The following STARD13 variants were observed in gnomAD, a reference collection of about 807,000 sequenced individuals.
The protein encoded by STARD13 is stAR-related lipid transfer protein 13.
In STARD13, 62 loss-of-function variants were observed where a neutral mutation model predicts 106.4. That is an observed-to-expected ratio of 0.58 (90% CI 0.48 to 0.72). STARD13 has a LOEUF of 0.72. STARD13 is among the 30% of genes least tolerant of loss of function. The pLI is 0.00. For missense variants in STARD13, 1,387 were observed against 1,424.0 expected, an observed-to-expected ratio of 0.97 and a Z score of 0.42; for synonymous variants, 565 against 553.0, an observed-to-expected ratio of 1.02 and a Z score of -0.31.
chr13:33,179,661 G>T (rs1458711984), intron 1 of STARD13, among the ~76,000 whole-genome samples: 1 of 152,144 alleles, frequency 6.6e-6, no homozygotes, highest in Non-Finnish European at 1.5e-5. Flanking sequence ...TGGGCAGTGG[G>T]TCCTACCCTG....
At chr13:33,368,874 C>T in the STARD13 span, among the ~76,000 whole-genome samples, 2 of 152,050 alleles carry the variant, frequency 1.3e-5, no homozygotes, top group Non-Finnish European at 1.5e-5. Context: ...TTCTGGAAGG[C>T]CCTTCCTATA....
At chr13:33,269,620 T>G (rs542266063) in intron 1 of STARD13, among the ~76,000 whole-genome samples, 5 of 152,210 alleles carry the variant, frequency 3.3e-5, no homozygotes, top group African/African-American at 9.6e-5. Context: ...AGCTATGACT[T>G]ATGACACTTG....
the STARD13 span, among the ~76,000 whole-genome samples, chr13:33,386,152 A>G: frequency 2.0e-5 from 3 of 152,310 alleles, no homozygotes; most frequent in Non-Finnish European, 4.4e-5. Flanking sequence ...TGAAAACCCA[A>G]GTGCCATGGT....
At chr13:33,244,532 C>A (rs1051583077) in intron 1 of STARD13, among the ~76,000 whole-genome samples, 3 of 152,008 alleles carry the variant, frequency 2.0e-5, no homozygotes, top group East Asian at 3.9e-4. Flanking sequence ...GCCCTCAAAT[C>A]TGGGTTTGGC....
intron 1 of STARD13, chr13:33,276,683 A>AGGGGAGAGTTGGAATGC (rs914942814): frequency 6.6e-6 from 1 of 152,180 alleles, no homozygotes; most frequent in Non-Finnish European, 1.5e-5. Flanking sequence ...GTAAGCAGGA[A>AGGGGAGAGTTGGAATGC]GGGGAGAGTT....
At position 33,127,454 on chromosome 13, in the gene STARD13, C is replaced by T. The variant is rs1180223242; in HGVS notation, c.1841G>A (p.Ser614Asn). ...HISSQTASQL[S>N]LLQRFSLLRL... is the part of the protein sequence containing the mutation. ...GAGCAGTGAGAAGCGCTGGAGCAGG[C>T]TCAGCTGGCTGGCCGTCTGGCTGCT... The change falls in exon 6 of 14, where the codon AGC becomes AAC. Residue 614 changes from serine to asparagine, a missense_variant. Physicochemically the swap from Ser to Asn is conservative, Grantham distance 46 (BLOSUM62 1). Coordinates refer to ENST00000336934, the MANE Select transcript of STARD13 (RefSeq NM_178006.4). 6.2e-7 allele frequency: 1 copy of T among 1,601,816 alleles called. No individual in the cohort carries two copies.
chr13:33,442,349 T>TTAATAA, the STARD13 span, among the ~76,000 whole-genome samples: 4 of 152,028 alleles, frequency 2.6e-5, no homozygotes, highest in Admixed American at 1.3e-4. Flanking sequence ...TACTCATACA[T>TTAATAA]TAATAATAAT....
intron 1 of STARD13, among the ~76,000 whole-genome samples, chr13:33,240,374 G>A (rs1283083153): frequency 6.6e-6 from 1 of 151,994 alleles, no homozygotes; most frequent in African/African-American, 2.4e-5. Context: ...AGGATCCTTT[G>A]AGATCCCACA....
chr13:33,310,569 G>A (rs1447992710), intron 1 of STARD13, among the ~76,000 whole-genome samples: 1 of 151,930 alleles, frequency 6.6e-6, no homozygotes, highest in African/African-American at 2.4e-5. Flanking sequence ...AAATGAATGT[G>A]GGCATTCATG....
At chr13:33,195,605 A>G (rs1016082567) in intron 1 of STARD13, among the ~76,000 whole-genome samples, 1 of 152,222 alleles carries the variant, frequency 6.6e-6, no homozygotes, top group African/African-American at 2.4e-5. Flanking sequence ...TTAGCCAGGA[A>G]GCCGACACGT....
At chr13:33,542,230 C>T in the STARD13 span, among the ~76,000 whole-genome samples, 1 of 152,134 alleles carries the variant, frequency 6.6e-6, no homozygotes, top group Non-Finnish European at 1.5e-5. Context: ...GATGAACAGA[C>T]CGGGGGATCA....
the STARD13 span, among the ~76,000 whole-genome samples, chr13:33,594,780 G>T: frequency 6.6e-6 from 1 of 152,172 alleles, no homozygotes; most frequent in Non-Finnish European, 1.5e-5. Context: ...CTTGTCCTTT[G>T]TGACTGGTTC....
At chr13:33,544,566 T>C in the STARD13 span, among the ~76,000 whole-genome samples, 1 of 152,158 alleles carries the variant, frequency 6.6e-6, no homozygotes. Context: ...AAATCACTGC[T>C]ATTTTGTTTA....
chr13:33,464,706 A>G, the STARD13 span, among the ~76,000 whole-genome samples: 53 of 152,220 alleles, frequency 3.5e-4, no homozygotes, highest in South Asian at 0.011. Context: ...AAAATTAGCT[A>G]GGTGTGGTGG....
At chr13:33,297,775 G>A (rs1892554540) in intron 1 of STARD13, among the ~76,000 whole-genome samples, 1 of 151,986 alleles carries the variant, frequency 6.6e-6, no homozygotes, top group Admixed American at 6.6e-5. Context: ...ATATGATACG[G>A]GTATGGAGAA....
At chr13:33,606,219 T>G in the STARD13 span, among the ~76,000 whole-genome samples, 1 of 152,138 alleles carries the variant, frequency 6.6e-6, no homozygotes, top group Non-Finnish European at 1.5e-5. Flanking sequence ...GAGAACTGCT[T>G]GGACTCCGGA....
the STARD13 span, among the ~76,000 whole-genome samples, chr13:33,447,716 C>G: frequency 6.6e-6 from 1 of 152,102 alleles, no homozygotes; most frequent in African/African-American, 2.4e-5. Flanking sequence ...CTCTAAGATG[C>G]TCAATAAGAC....
chr13:33,398,133 G>A, the STARD13 span, among the ~76,000 whole-genome samples: 2 of 152,172 alleles, frequency 1.3e-5, no homozygotes, highest in Non-Finnish European at 2.9e-5. Context: ...TGGGGAGGTG[G>A]TTACAGGCTC....
chr13:33,560,480 T>C, the STARD13 span, among the ~76,000 whole-genome samples: 1 of 151,158 alleles, frequency 6.6e-6, no homozygotes, highest in Non-Finnish European at 1.5e-5. Context: ...GATGGCAAAA[T>C]GACATAGGAA....
Sources: allele counts gnomAD v4.1 joint callset (sites outside exome capture counted in the v4.1 genomes callset), GRCh38; gene constraint gnomAD v4.1.1; transcripts MANE v1.5; gene names NCBI Gene and HGNC (gene_info 2026-07-23, HGNC 2026-07-21).